CDKAL1: variants seen among roughly 807,000 people sequenced by gnomAD.
CDKAL1 encodes the protein threonylcarbamoyladenosine tRNA methylthiotransferase.
Under a neutral mutation model 68.2 loss-of-function variants are expected in CDKAL1, and 32 were observed. The ratio of observed to expected loss-of-function variants is 0.47; its 90% CI spans 0.35 to 0.63. The LOEUF is 0.63. Ranked by LOEUF, CDKAL1 falls within the 30% of genes least tolerant of loss-of-function variation. CDKAL1 has a pLI of 0.00. For missense variants in CDKAL1, 606 were observed against 696.7 expected (o/e 0.87, Z 1.47); for synonymous variants, 234 against 244.3 (o/e 0.96, Z 0.39).
intron 12 of CDKAL1, among the ~76,000 whole-genome samples, chr6:21,071,824 A>G (rs1392857146): frequency 6.6e-6 from 1 of 152,090 alleles, no homozygotes; most frequent in Non-Finnish European, 1.5e-5. Flanking sequence ...ACTCTTTCTG[A>G]TGACTGCTTT....
intron 8 of CDKAL1, among the ~76,000 whole-genome samples, chr6:20,819,979 G>A (rs1329355919): frequency 3.9e-5 from 6 of 152,276 alleles, no homozygotes; most frequent in South Asian, 4.1e-4. Flanking sequence ...GCAGCACTAC[G>A]TAGAAGAGGC....
intron 9 of CDKAL1, among the ~76,000 whole-genome samples, chr6:20,925,434 A>G (rs192954045): frequency 1.5e-3 from 224 of 152,300 alleles, no homozygotes; most frequent in African/African-American, 4.9e-3. Context: ...TCTCTGGCTT[A>G]TATTATAAAT....
chr6:21,089,474 C>T (rs1772883297), intron 12 of CDKAL1, among the ~76,000 whole-genome samples: 1 of 151,826 alleles, frequency 6.6e-6, no homozygotes, highest in Admixed American at 6.6e-5. Context: ...AAGACCCTGT[C>T]TCTAGAAAAA....
chr6:20,639,264 A>G (rs1768052000), intron 4 of CDKAL1, among the ~76,000 whole-genome samples: 1 of 152,220 alleles, frequency 6.6e-6, no homozygotes, highest in African/African-American at 2.4e-5. Context: ...CTATTTTAAG[A>G]GAACAAACTC....
chr6:20,536,466 C>T (rs1241185434), intron 2 of CDKAL1, among the ~76,000 whole-genome samples: 1 of 151,802 alleles, frequency 6.6e-6, no homozygotes, highest in Admixed American at 6.6e-5. Context: ...TTACATGTTG[C>T]TATCCAGTTA....
intron 4 of CDKAL1, among the ~76,000 whole-genome samples, chr6:20,580,773 G>A (rs1765109561): frequency 6.6e-6 from 1 of 151,750 alleles, no homozygotes; most frequent in South Asian, 2.1e-4. Context: ...CTCATGGTTA[G>A]GTTGGTTTCA....
chr6:21,191,341 G>A (rs1443404850), intron 13 of CDKAL1, among the ~76,000 whole-genome samples: 1 of 152,092 alleles, frequency 6.6e-6, no homozygotes, highest in African/African-American at 2.4e-5. Flanking sequence ...TAGAACTGAT[G>A]TTTTTCACAA....
chr6:20,741,065 C>G (rs184694768), intron 6 of CDKAL1, among the ~76,000 whole-genome samples: 7 of 152,194 alleles, frequency 4.6e-5, no homozygotes, highest in Admixed American at 4.6e-4. Flanking sequence ...AAAGGCTCTT[C>G]TCTGCATACA....
At chr6:20,558,940 T>G in intron 4 of CDKAL1, 1 of 233,258 alleles carries the variant, frequency 4.3e-6, no homozygotes, top group Non-Finnish European at 8.6e-6. Flanking sequence ...TTAATATGTT[T>G]TAAAAGGATG....
intron 5 of CDKAL1, among the ~76,000 whole-genome samples, chr6:20,662,655 T>C (rs549930129): frequency 6.6e-6 from 1 of 152,286 alleles, no homozygotes; most frequent in South Asian, 2.1e-4. Context: ...ATCTTTTATC[T>C]GTATCCCAGC....
At chr6:20,669,811 A>G (rs1422364433) in intron 5 of CDKAL1, among the ~76,000 whole-genome samples, 1 of 152,108 alleles carries the variant, frequency 6.6e-6, no homozygotes, top group Non-Finnish European at 1.5e-5. Context: ...TCACTGGTGA[A>G]CTGTGTGAAG....
intron 5 of CDKAL1, among the ~76,000 whole-genome samples, chr6:20,679,061 C>T (rs1250013854): frequency 2.0e-5 from 3 of 152,146 alleles, no homozygotes; most frequent in Admixed American, 1.3e-4. Context: ...TGTGTCACCA[C>T]ACATGGCTAG....
intron 8 of CDKAL1, among the ~76,000 whole-genome samples, chr6:20,828,919 A>G (rs1386892736): frequency 6.6e-6 from 1 of 152,110 alleles, no homozygotes; most frequent in Non-Finnish European, 1.5e-5. Context: ...TAGGTACCTC[A>G]TATAAGTAGA....
chr6:20,596,996 G>C (rs1765856973), intron 4 of CDKAL1, among the ~76,000 whole-genome samples: 1 of 152,214 alleles, frequency 6.6e-6, no homozygotes. Context: ...GGCCCGTTGA[G>C]ATGAGCCTGG....
rs145224197 is a variant in CDKAL1, at chr6:20,781,301, A to G, written c.638+36A>G. On this transcript the variant is annotated intron_variant, in intron 8 of 15. Coordinates refer to ENST00000274695, the MANE Select transcript of CDKAL1 (RefSeq NM_017774.3). The stretch of plus-strand genomic sequence containing the variant: ...CTCAAACTTGCTCATAAAATATTCA[A>G]TATATTTCATGAATTCAGTTTTTTT... 1,908 of 1,543,380 alleles carry G rather than the reference A, an allele frequency of 1.2e-3. 20 individuals carry two copies. The African/African-American group carries it at 0.021, about 17-fold the overall frequency.
intron 9 of CDKAL1, among the ~76,000 whole-genome samples, chr6:20,930,729 G>T (rs541430079): frequency 4.8e-5 from 7 of 146,764 alleles, no homozygotes; most frequent in African/African-American, 1.8e-4. Context: ...ACTTTATGAG[G>T]TACAGGTATT....
intron 10 of CDKAL1, among the ~76,000 whole-genome samples, chr6:20,980,223 A>G (rs1316097698): frequency 6.6e-6 from 1 of 151,174 alleles, no homozygotes; most frequent in Non-Finnish European, 1.5e-5. Flanking sequence ...AGATATAGAT[A>G]TAGATATAGA....
chr6:20,994,678 A>G (rs1039560319), intron 10 of CDKAL1, among the ~76,000 whole-genome samples: 10 of 152,354 alleles, frequency 6.6e-5, no homozygotes, highest in Middle Eastern at 3.4e-3. Flanking sequence ...TGAATTTTTT[A>G]GTTTCCTAGT....
chr6:20,637,334 G>T (rs528401744), intron 4 of CDKAL1, among the ~76,000 whole-genome samples: 1 of 151,990 alleles, frequency 6.6e-6, no homozygotes, highest in Non-Finnish European at 1.5e-5. Context: ...AGGCCGAGGC[G>T]GGAGGATCAC....
Sources: gnomAD v4.1 joint callset for allele counts (sites outside exome capture counted in the v4.1 genomes callset) on GRCh38, gnomAD v4.1.1 for gene constraint, MANE v1.5 for transcripts, NCBI Gene and HGNC (gene_info 2026-07-23, HGNC 2026-07-21) for gene names.